The following PTPRD variants were observed in gnomAD, a reference collection of about 807,000 sequenced individuals.
PTPRD encodes protein tyrosine phosphatase receptor type D.
A neutral mutation model predicts 214.5 loss-of-function variants in PTPRD; 34 were observed. That is an observed-to-expected ratio of 0.16 (90% CI 0.12 to 0.21). The LOEUF (loss-of-function observed/expected upper bound fraction) is 0.21, where lower values mean the gene tolerates loss of function less well. PTPRD is among the 10% of genes least tolerant of loss of function. The pLI is 1.00. For synonymous variants in PTPRD, 1,128 were observed against 845.7 expected (o/e 1.33, Z -5.79); for missense variants, 2,545 against 2,398.7 (o/e 1.06, Z -1.27).
chr9:9,339,567 C>A (rs2045966906), intron 9 of PTPRD, among the ~76,000 whole-genome samples: 1 of 152,110 alleles, frequency 6.6e-6, no homozygotes, highest in African/African-American at 2.4e-5. Flanking sequence ...CTGGTATAGT[C>A]CTAACTCACA....
intron 3 of PTPRD, among the ~76,000 whole-genome samples, chr9:10,286,590 GT>G (rs940501447): frequency 6.6e-6 from 1 of 152,032 alleles, no homozygotes; most frequent in Non-Finnish European, 1.5e-5. Context: ...TACTATAAAT[GT>G]TTTTTTGTTT....
At chr9:9,417,437 T>A (rs1457954133) in intron 8 of PTPRD, among the ~76,000 whole-genome samples, 1 of 152,148 alleles carries the variant, frequency 6.6e-6, no homozygotes, top group Non-Finnish European at 1.5e-5. Flanking sequence ...ATTTTGGGTC[T>A]GTGCAAATCC....
At chr9:9,186,606 GTCTC>G (rs1351844358) in intron 9 of PTPRD, among the ~76,000 whole-genome samples, 1 of 131,330 alleles carries the variant, frequency 7.6e-6, no homozygotes, top group South Asian at 2.5e-4. Flanking sequence ...ACAAGACTCT[GTCTC>G]TCTCTCTCTC....
intron 11 of PTPRD, among the ~76,000 whole-genome samples, chr9:8,991,049 T>C (rs1439417523): frequency 6.9e-6 from 1 of 145,738 alleles, no homozygotes; most frequent in African/African-American, 2.5e-5. Context: ...ACCTCATCTC[T>C]ACCAAAAATA....
chr9:9,443,165 T>TA (rs1237799231), intron 8 of PTPRD, among the ~76,000 whole-genome samples: 7 of 151,924 alleles, frequency 4.6e-5, no homozygotes, highest in African/African-American at 7.3e-5. Context: ...CATTCCTCTT[T>TA]AAAAAAAATC....
At chr9:9,493,148 G>A (rs1392616302) in intron 8 of PTPRD, among the ~76,000 whole-genome samples, 1 of 151,716 alleles carries the variant, frequency 6.6e-6, no homozygotes, top group African/African-American at 2.4e-5. Flanking sequence ...TAAATAAAGA[G>A]CTATAGAAGC....
intron 7 of PTPRD, among the ~76,000 whole-genome samples, chr9:9,714,597 A>G (rs767299522): frequency 9.9e-5 from 15 of 152,208 alleles, no homozygotes; most frequent in African/African-American, 1.9e-4. Flanking sequence ...TCTTTAGCAT[A>G]TCTTGCAGAA....
At chr9:8,603,561 T>G (rs2095005387) in intron 14 of PTPRD, among the ~76,000 whole-genome samples, 2 of 152,164 alleles carry the variant, frequency 1.3e-5, no homozygotes, top group Admixed American at 1.3e-4. Flanking sequence ...GCACCATTTT[T>G]TAAGTTAAAT....
chr9:8,833,364 A>C (rs974339415), intron 11 of PTPRD, among the ~76,000 whole-genome samples: 4 of 152,136 alleles, frequency 2.6e-5, no homozygotes, highest in African/African-American at 9.7e-5. Flanking sequence ...AGTAACAGGC[A>C]GAGAAATGAG....
intron 11 of PTPRD, among the ~76,000 whole-genome samples, chr9:8,952,364 C>T (rs1170120351): frequency 6.6e-6 from 1 of 151,976 alleles, no homozygotes; most frequent in African/African-American, 2.4e-5. Flanking sequence ...ATTTTATTTG[C>T]ACTATTCTAT....
intron 7 of PTPRD, among the ~76,000 whole-genome samples, chr9:9,676,915 G>T (rs200473619): frequency 5.4e-4 from 82 of 152,156 alleles, no homozygotes; most frequent in Admixed American, 1.9e-3. Flanking sequence ...TTGGCTGCAT[G>T]AATGTCTTCT....
At chr9:9,169,271 C>A (rs529338764) in intron 10 of PTPRD, among the ~76,000 whole-genome samples, 5 of 152,062 alleles carry the variant, frequency 3.3e-5, no homozygotes, top group Admixed American at 2.0e-4. Flanking sequence ...AAAGGTCATA[C>A]TACAAAAATG....
At chr9:9,817,504 G>C (rs1339480058) in intron 5 of PTPRD, among the ~76,000 whole-genome samples, 2 of 152,008 alleles carry the variant, frequency 1.3e-5, no homozygotes, top group East Asian at 3.9e-4. Flanking sequence ...GTCTTTAGAG[G>C]CCAAATCTAA....
chr9:10,415,231 T>C (rs978421694), intron 2 of PTPRD, among the ~76,000 whole-genome samples: 1 of 151,850 alleles, frequency 6.6e-6, no homozygotes, highest in African/African-American at 2.4e-5. Flanking sequence ...ATTGAGATTA[T>C]ATACATAATA....
chr9:9,212,370 G>A (rs2099949336), intron 9 of PTPRD, among the ~76,000 whole-genome samples: 1 of 152,128 alleles, frequency 6.6e-6, no homozygotes, highest in Admixed American at 6.6e-5. Context: ...TGCTGAAACA[G>A]TTCTTTTAAG....
intron 2 of PTPRD, among the ~76,000 whole-genome samples, chr9:10,371,285 A>G (rs1260887555): frequency 2.6e-5 from 4 of 152,000 alleles, no homozygotes; most frequent in Admixed American, 2.6e-4. Flanking sequence ...AATATAGTAT[A>G]GTGACATAAC....
At chr9:10,152,526 TA>T (rs1188723069) in intron 3 of PTPRD, among the ~76,000 whole-genome samples, 3 of 152,160 alleles carry the variant, frequency 2.0e-5, no homozygotes, top group African/African-American at 7.2e-5. Flanking sequence ...TATTGAGCCT[TA>T]AAGAAGAAGG....
chr9:10,198,660 C>T (rs1344417591), intron 3 of PTPRD, among the ~76,000 whole-genome samples: 2 of 152,000 alleles, frequency 1.3e-5, no homozygotes, highest in East Asian at 3.9e-4. Context: ...TAATCAAAAC[C>T]TTGGAAGCAG....
intron 9 of PTPRD, among the ~76,000 whole-genome samples, chr9:9,379,647 A>C (rs912794643): frequency 1.3e-5 from 2 of 152,056 alleles, no homozygotes; most frequent in Admixed American, 1.3e-4. Context: ...TCTTGATATT[A>C]TATCTTCCTA....
Sources: gnomAD v4.1 joint callset for allele counts (sites outside exome capture counted in the v4.1 genomes callset) on GRCh38, gnomAD v4.1.1 for gene constraint, MANE v1.5 for transcripts, NCBI Gene and HGNC (gene_info 2026-07-23, HGNC 2026-07-21) for gene names.